CLC: variants seen among roughly 807,000 people sequenced by gnomAD.
CLC encodes Charcot-Leyden crystal galectin.
In CLC, 15 loss-of-function variants were observed where a neutral mutation model predicts 13.9. That is an observed-to-expected ratio of 1.08 (90% CI 0.72 to 1.66). CLC has a LOEUF of 1.66. Ranked by LOEUF, CLC falls within the 40% of genes most tolerant of loss-of-function variation. The pLI is 0.00. For missense variants in CLC, 161 were observed against 169.1 expected (o/e 0.95, Z 0.27); for synonymous variants, 68 against 59.9 (o/e 1.14, Z -0.63).
chr19:39,731,499 C>G lies in CLC; in HGVS notation c.310G>C (p.Val104Leu), dbSNP rs558340888. ...AAGGTGTAAGAGGATTGGCCATTGA[C>G]CATTACCTACAGAAGGAAAAAAATA... ...SVLPDKYQVM[V>L]NGQSSYTFDH... Residue 104 changes from valine (V) to leucine (L), a missense_variant, in exon 4 of 4, where the codon GTC becomes CTC. Coordinates refer to ENST00000221804, the MANE Select transcript of CLC (RefSeq NM_001828.6). 8 of 1,603,378 alleles carry G rather than the reference C, an allele frequency of 5.0e-6. No homozygotes were observed. In the South Asian group the frequency reaches 7.8e-5, roughly 16 times the overall value.
Position 39,735,016 on chromosome 19 carries a change from G to A in CLC, c.73C>T (p.Arg25Ter), listed in dbSNP as rs761258843. The stretch of plus-strand genomic sequence containing the variant: ...ACTCACAAGAAACAGGCAAGTGGTC[G>A]CCCTTTGATTGTCACAGTAGAACCA... ...STGSTVTIKG[R>*]PLACFLNEPY... The change falls in exon 2 of 4, where the codon CGA becomes TGA. Residue 25 changes from arginine to a stop codon, truncating the protein, a stop_gained. Coordinates refer to ENST00000221804, the MANE Select transcript of CLC (RefSeq NM_001828.6). LOFTEE classifies it high-confidence loss of function. 8.1e-6 allele frequency: 13 copies of A among 1,612,952 alleles called. No individual in the cohort carries two copies. The highest frequency in any genetic ancestry group is 1.7e-5 in the Admixed American group (1 of 60,000).
intron 1 of CLC, among the ~76,000 whole-genome samples, chr19:39,737,401 G>A (rs992512727): frequency 6.6e-6 from 1 of 151,864 alleles, no homozygotes; most frequent in Non-Finnish European, 1.5e-5. Flanking sequence ...TGCTATGTGG[G>A]GAGGAACCTT....
At chr19:39,733,036 G>A (rs1445625118) in intron 3 of CLC, among the ~76,000 whole-genome samples, 1 of 138,688 alleles carries the variant, frequency 7.2e-6, no homozygotes, top group Non-Finnish European at 1.6e-5. Context: ...TCTGACAAAG[G>A]GCTAATATCC....
intron 1 of CLC, 48 bp downstream of exon 1, chr19:39,737,890 T>C (rs1001641615): frequency 6.9e-6 from 11 of 1,585,526 alleles, no homozygotes; most frequent in Non-Finnish European, 9.5e-6. Context: ...CCCTCTTCCC[T>C]TTTCTGTGTG....
chr19:39,732,474 G>A (rs12978659), intron 3 of CLC, among the ~76,000 whole-genome samples: 2,713 of 71,868 alleles, frequency 0.038, 101 homozygotes, highest in African/African-American at 0.055. Flanking sequence ...TCTTAATCCA[G>A]TCTATCATTG....
rs1324983164 is a variant in CLC at position 39,736,200 on chromosome 19, A to AAG, written c.16-1128_16-1127insCT. 7.2e-5 allele frequency among the ~76,000 whole-genome samples: 11 copies of AAG among 151,858 alleles called. No individual in the cohort carries two copies. In the East Asian group the frequency reaches 2.1e-3, roughly 29 times the overall value. On this transcript the variant is annotated intron_variant, in intron 1 of 3. Coordinates refer to ENST00000221804, the MANE Select transcript of CLC (RefSeq NM_001828.6). Reference sequence around the variant, plus strand: ...ATTATCATTTTAACCACCAAAAAAAAAAAGAAAGAAAGAAACAACACTTGT... The same window carrying AAG: ...ATTATCATTTTAACCACCAAAAAAAAAGAAAGAAAGAAAGAAACAACACTTGT...
intron 1 of CLC, among the ~76,000 whole-genome samples, chr19:39,736,549 T>A (rs444963): frequency 6.6e-6 from 1 of 151,804 alleles, no homozygotes; most frequent in Non-Finnish European, 1.5e-5. Context: ...CCAAGGTGGG[T>A]GCATCACTTG....
intron 3 of CLC, chr19:39,733,848 T>G: frequency 2.7e-6 from 2 of 734,284 alleles, no homozygotes; most frequent in Non-Finnish European, 3.3e-6. Flanking sequence ...GAAGTCTTCA[T>G]ATTGGACTGA....
chr19:39,735,135 C>T (rs1967289663), intron 1 of CLC, 62 bp from the exon 2 acceptor site: 2 of 1,178,228 alleles, frequency 1.7e-6, no homozygotes, highest in Non-Finnish European at 2.5e-6. Context: ...CCTCCTGTAA[C>T]AGATTCCCAT....
rs1477416038 is a variant in CLC, at chr19:39,731,580, A to G, written c.304-75T>C. ...CTTTCAGCCTGCTCTCTATGGTGTC[A>G]TAGTACCTGAAACATCCAACCAGAA... On this transcript the variant is annotated intron_variant, in intron 3 of 3. Coordinates refer to ENST00000221804, the MANE Select transcript of CLC (RefSeq NM_001828.6). The G allele has an allele frequency of 2.0e-6, 3 of 1,480,490 alleles. No individual in the cohort carries two copies. The African/African-American group carries it at 4.2e-5, about 21-fold the overall frequency. The allele number at this position is 1,480,490 out of a possible 1,614,324, so 91.7% of individuals were successfully genotyped here.
chr19:39,734,226 G>C, intron 3 of CLC, 57 bp downstream of exon 3: 1 of 1,559,108 alleles, frequency 6.4e-7, no homozygotes, highest in Non-Finnish European at 8.8e-7. Flanking sequence ...ATGAAGAGCT[G>C]CCTCCTGCTC....
rs776652982 is a variant in CLC at position 39,734,377 on chromosome 19, C to T, written c.209G>A (p.Gly70Glu). ...GGATTCCACCTGCTGCTTCCAGGCC[C>T]CATACTCACGGCTGTTCATGACCAC... ...RRVVMNSREY[G>E]AWKQQVESKN... The change falls in exon 3 of 4, where the codon GGG becomes GAG. Residue 70 changes from glycine to glutamate, a missense_variant. Gly to Glu is a moderately conservative substitution (Grantham distance 98, BLOSUM62 -2). Transcript: ENST00000221804. 1.4e-5 allele frequency: 23 copies of T among 1,613,994 alleles called. No homozygotes were observed. Among genetic ancestry groups the T allele is most frequent in the Middle Eastern group, 3.3e-4 (2 of 6,084 alleles).
chr19:39,731,964 G>C (rs1967232219), intron 3 of CLC, among the ~76,000 whole-genome samples: 1 of 152,230 alleles, frequency 6.6e-6, no homozygotes, highest in African/African-American at 2.4e-5. Flanking sequence ...ATTTGAGCTA[G>C]TGGCGGCAAG....
In CLC at chr19:39,737,985, G is replaced by T; in HGVS notation, c.-33C>A. On this transcript the variant is annotated 5_prime_UTR_variant, in exon 1 of 4. Coordinates refer to ENST00000221804, the MANE Select transcript of CLC (RefSeq NM_001828.6). ...TCCTTCTGGGTGGCTCTTCTGAATT[G>T]TGTCCAGACTTCTGTGTGAATCTCT... 6.2e-6 allele frequency: 10 copies of T among 1,609,536 alleles called. No homozygotes were observed. The highest frequency in any genetic ancestry group is 8.5e-6 in the Non-Finnish European group (10 of 1,176,754).
intron 1 of CLC, among the ~76,000 whole-genome samples, chr19:39,736,723 C>T (rs385240): frequency 0.67 from 100,341 of 150,134 alleles, 34,231 homozygotes; most frequent in African/African-American, 0.76. Context: ...TGCAGTGAGC[C>T]GAGATTGCAC....
Position 39,736,122 on chromosome 19 carries a change from T to C in CLC, c.16-1049A>G, listed in dbSNP as rs553783065. Among the ~76,000 whole-genome samples the C allele has an allele frequency of 3.3e-5, 5 of 152,192 alleles. No individual in the cohort carries two copies. In the East Asian group the frequency reaches 9.6e-4, roughly 29 times the overall value. ...TACATCCCTCCAAGCATCGTTTGAC[T>C]GTTTCAGGTACTCTGCATCTTTTCT... On this transcript the variant is annotated intron_variant, in intron 1 of 3. Coordinates refer to ENST00000221804, the MANE Select transcript of CLC (RefSeq NM_001828.6).
intron 3 of CLC, among the ~76,000 whole-genome samples, chr19:39,733,321 G>A (rs1967255077): frequency 1.3e-5 from 2 of 152,174 alleles, no homozygotes. Context: ...TGAAATGTCA[G>A]AAACTTTGAT....
rs575032195 is a variant in CLC, at chr19:39,733,857, G to A, written c.303+426C>T. The A allele has an allele frequency of 1.5e-4, 129 of 856,550 alleles. 2 individuals are homozygous for A. In the South Asian group the frequency reaches 5.7e-3, roughly 38 times the overall value. 53.1% of individuals were successfully genotyped at this position (856,550 alleles called of 1,614,324 possible). A position where few individuals can be genotyped will look rare whatever the true frequency, so the allele number is the denominator to read the frequency against. ...GAGTGAGAAGTCTTCATATTGGACT[G>A]ACTAAAACAATTTTATTCATGTGTA... On this transcript the variant is annotated intron_variant, in intron 3 of 3. Transcript: ENST00000221804.
Position 39,734,486 on chromosome 19 carries a change from G to C in CLC, c.100C>G (p.Pro34Ala). Residue 34 changes from proline to alanine, a missense_variant, in exon 3 of 4, where the codon CCA becomes GCA. Pro to Ala is a conservative substitution (Grantham distance 27). Coordinates refer to ENST00000221804, the MANE Select transcript of CLC (RefSeq NM_001828.6). Reference protein sequence around the residue: ...GRPLACFLNEPYLQVDFHTEM... With the variant: ...GRPLACFLNEAYLQVDFHTEM... ...GTGTGGAAATCCACCTGCAGATATGGTTCATTCCTGAGGGCAGAGCACACA... is the reference window on the plus strand; with the variant it reads ...GTGTGGAAATCCACCTGCAGATATGCTTCATTCCTGAGGGCAGAGCACACA... The C allele has an allele frequency of 6.2e-7, 1 of 1,613,734 alleles. No homozygotes were observed. Among genetic ancestry groups the C allele is most frequent in the Non-Finnish European group, 8.5e-7 (1 of 1,179,656 alleles).
Sources: gnomAD v4.1 joint callset for allele counts (sites outside exome capture counted in the v4.1 genomes callset) on GRCh38, gnomAD v4.1.1 for gene constraint, MANE v1.5 for transcripts, NCBI Gene and HGNC (gene_info 2026-07-23, HGNC 2026-07-21) for gene names.